The following ZNF385D variants were observed in gnomAD, a reference collection of about 807,000 sequenced individuals.
ZNF385D encodes zinc finger protein 385D, also known as zinc finger protein 659.
A neutral mutation model predicts 35.8 loss-of-function variants in ZNF385D; 15 were observed. That is an observed-to-expected ratio of 0.42 (90% CI 0.28 to 0.64). The LOEUF is 0.64. Ranked by LOEUF, ZNF385D falls within the 30% of genes least tolerant of loss-of-function variation. ZNF385D has a pLI of 0.23. For missense variants in ZNF385D, 474 were observed against 494.6 expected (o/e 0.96, Z 0.39); for synonymous variants, 212 against 186.8 (o/e 1.13, Z -1.10).
chr3:21,660,303 T>G (rs1411017127), intron 2 of ZNF385D, among the ~76,000 whole-genome samples: 2 of 152,184 alleles, frequency 1.3e-5, no homozygotes, highest in African/African-American at 4.8e-5. Context: ...ATTGCTCTTT[T>G]TTCTGCCTCT....
intron 3 of ZNF385D, chr3:21,957,219 T>C (rs1380939479): frequency 1.3e-5 from 2 of 152,952 alleles, no homozygotes; most frequent in Non-Finnish European, 2.9e-5. Flanking sequence ...TTCTTTCTTT[T>C]GTAAATTGCC....
At chr3:22,012,105 G>A (rs780137481) in intron 3 of ZNF385D, among the ~76,000 whole-genome samples, 1 of 152,108 alleles carries the variant, frequency 6.6e-6, no homozygotes, top group Non-Finnish European at 1.5e-5. Flanking sequence ...GCTCCAGGGA[G>A]CCCACCACCT....
intron 3 of ZNF385D, among the ~76,000 whole-genome samples, chr3:21,533,822 C>G (rs2061978413): frequency 6.6e-6 from 1 of 151,888 alleles, no homozygotes; most frequent in Admixed American, 6.6e-5. Flanking sequence ...TTAAATTAAC[C>G]AAAAGGAGAG....
rs148707284 is a variant in ZNF385D, at chr3:21,841,538, C to G, written c.326-176510G>C. 4.2e-3 allele frequency among the ~76,000 whole-genome samples: 637 copies of G among 152,068 alleles called. 7 individuals are homozygous for G. The highest frequency in any genetic ancestry group is 0.014 in the African/African-American group (593 of 41,510). The stretch of plus-strand genomic sequence containing the variant: ...TTTTATGAGCACAATGATAATAGCT[C>G]TTCGTTTTAATTGTATTATCCTGAC... On this transcript the variant is annotated intron_variant, in intron 3 of 5. Coordinates refer to the ZNF385D transcript ENST00000494108.
intron 3 of ZNF385D, among the ~76,000 whole-genome samples, chr3:21,797,902 C>T (rs1241438412): frequency 6.6e-6 from 1 of 152,124 alleles, no homozygotes; most frequent in African/African-American, 2.4e-5. Flanking sequence ...AGTGAAAATA[C>T]CCCATATAAT....
intron 3 of ZNF385D, among the ~76,000 whole-genome samples, chr3:21,936,565 TA>T (rs1038260301): frequency 1.3e-5 from 2 of 152,116 alleles, no homozygotes; most frequent in Non-Finnish European, 2.9e-5. Context: ...TCATAATTTA[TA>T]ATTATATACT....
At chr3:21,494,394 G>T (rs973692808) in intron 4 of ZNF385D, among the ~76,000 whole-genome samples, 1 of 152,114 alleles carries the variant, frequency 6.6e-6, no homozygotes, top group Non-Finnish European at 1.5e-5. Flanking sequence ...GTGTTTGAGG[G>T]TTCTGTAAAA....
chr3:22,019,116 A>G (rs568198825), intron 3 of ZNF385D, among the ~76,000 whole-genome samples: 4 of 111,338 alleles, frequency 3.6e-5, no homozygotes, highest in Non-Finnish European at 5.1e-5. Flanking sequence ...AAGAGCCTTT[A>G]TTCCTATATC....
In ZNF385D at chr3:22,022,939, G is replaced by C. The variant is rs1697310938; in HGVS notation, c.325+145878C>G. Among the ~76,000 whole-genome samples the C allele has an allele frequency of 2.0e-5, 3 of 152,196 alleles. No homozygotes were observed. In the South Asian group the frequency reaches 6.2e-4, roughly 32 times the overall value. On this transcript the variant is annotated intron_variant, in intron 3 of 5. Coordinates refer to the ZNF385D transcript ENST00000494108. The stretch of plus-strand genomic sequence containing the variant: ...ATATGGTTGGCCCTGTGGGGATCAG[G>C]GAAGAGGCAAAGTCCTGAAAATAAA...
intron 3 of ZNF385D, among the ~76,000 whole-genome samples, chr3:22,111,770 G>A (rs1702549461): frequency 1.3e-5 from 2 of 152,168 alleles, no homozygotes; most frequent in South Asian, 4.2e-4. Flanking sequence ...TTTTCCAAAT[G>A]CTTTTGCTTA....
intron 3 of ZNF385D, among the ~76,000 whole-genome samples, chr3:21,897,173 C>A (rs1407136496): frequency 2.0e-5 from 3 of 152,092 alleles, no homozygotes; most frequent in African/African-American, 7.2e-5. Context: ...TTTTTTACTA[C>A]CTGAGATAAG....
chr3:21,682,911 G>C (rs1046371384), intron 1 of ZNF385D, among the ~76,000 whole-genome samples: 1 of 149,892 alleles, frequency 6.7e-6, no homozygotes, highest in East Asian at 2.0e-4. Context: ...TCATCAGCCA[G>C]ATTTGGTTCT....
At chr3:21,664,758 T>C (rs2125260721) in intron 2 of ZNF385D, 128 bp downstream of exon 2, 6 of 1,282,770 alleles carry the variant, frequency 4.7e-6, no homozygotes, top group Non-Finnish European at 6.5e-6. Flanking sequence ...AACTTCATTA[T>C]GGCTTCTAGA....
chr3:21,804,532 G>A (rs768605014), intron 3 of ZNF385D, among the ~76,000 whole-genome samples: 22 of 152,074 alleles, frequency 1.4e-4, no homozygotes, highest in Non-Finnish European at 2.6e-4. Flanking sequence ...TTTTTCATTT[G>A]TCAAGCCTTG....
intron 1 of ZNF385D, among the ~76,000 whole-genome samples, chr3:21,716,497 G>C (rs1467672010): frequency 6.6e-6 from 1 of 152,070 alleles, no homozygotes; most frequent in African/African-American, 2.4e-5. Context: ...TGACATACCA[G>C]AGACAGTTTT....
intron 2 of ZNF385D, among the ~76,000 whole-genome samples, chr3:22,324,263 A>T (rs2125449694): frequency 6.6e-6 from 1 of 152,268 alleles, no homozygotes; most frequent in East Asian, 1.9e-4. Flanking sequence ...TAATGTATAA[A>T]TGTTTGAATT....
At chr3:22,070,465 G>C (rs145188326) in intron 3 of ZNF385D, among the ~76,000 whole-genome samples, 9 of 152,218 alleles carry the variant, frequency 5.9e-5, no homozygotes, top group African/African-American at 2.2e-4. Context: ...TATTTTATAA[G>C]AGAGAGTTGA....
rs1384450837 is a variant in ZNF385D, at chr3:21,417,272, T to A, written c.*3942A>T. 1 of 152,088 alleles carries A rather than the reference T, an allele frequency of 6.6e-6. No homozygotes were observed. The highest frequency in any genetic ancestry group is 2.4e-5 in the African/African-American group (1 of 41,426). The allele number at this position is 152,088 out of a possible 1,614,324, so 9.4% of individuals were successfully genotyped here. On this transcript the variant is annotated 3_prime_UTR_variant, in exon 8 of 8. Transcript: ENST00000281523. ...CCAGCTTAGCTATTAATCACTGTCATCCATTTTACTGATGAAGAAATTAAG... is the reference window on the plus strand; with the variant it reads ...CCAGCTTAGCTATTAATCACTGTCAACCATTTTACTGATGAAGAAATTAAG...
chr3:22,221,871 C>G (rs1004808646), intron 2 of ZNF385D, among the ~76,000 whole-genome samples: 1 of 152,140 alleles, frequency 6.6e-6, no homozygotes, highest in African/African-American at 2.4e-5. Context: ...AGAAATATTT[C>G]TATGACAGAG....
Sources: allele counts gnomAD v4.1 joint callset (sites outside exome capture counted in the v4.1 genomes callset), GRCh38; gene constraint gnomAD v4.1.1; transcripts MANE v1.5; gene names NCBI Gene and HGNC (gene_info 2026-07-23, HGNC 2026-07-21).